Variants in STX8 observed in about 807,000 individuals in gnomAD.
STX8 encodes syntaxin 8.
STX8 carries 23 observed loss-of-function variants against 37.5 expected under a neutral mutation model. The observed-to-expected ratio is 0.61, with a 90% confidence interval of 0.44 to 0.87. STX8 has a LOEUF of 0.87. STX8 is among the 40% of genes least tolerant of loss of function. The pLI, the probability that STX8 is intolerant of heterozygous loss-of-function variation, is 0.00. For missense variants in STX8, 313 were observed against 284.7 expected (o/e 1.10, Z -0.71); for synonymous variants, 115 against 99.1 (o/e 1.16, Z -0.95).
chr17:9,494,128 G>A (rs1246957044), intron 5 of STX8, among the ~76,000 whole-genome samples: 1 of 151,644 alleles, frequency 6.6e-6, no homozygotes, highest in Admixed American at 6.6e-5. Context: ...CCATTCTCCT[G>A]CCTCAGCCTC....
chr17:9,440,413 T>A (rs1329647657), intron 6 of STX8, among the ~76,000 whole-genome samples: 3 of 152,296 alleles, frequency 2.0e-5, no homozygotes, highest in South Asian at 4.1e-4. Context: ...TCATTCTCAT[T>A]GTCACCATCT....
At chr17:9,434,474 G>T (rs1175794596) in intron 6 of STX8, among the ~76,000 whole-genome samples, 2 of 152,212 alleles carry the variant, frequency 1.3e-5, no homozygotes, top group African/African-American at 4.8e-5. Context: ...ACCCAGCTAG[G>T]TATAGCCATA....
chr17:9,538,446 C>G (rs567445314), intron 4 of STX8, among the ~76,000 whole-genome samples: 1 of 152,254 alleles, frequency 6.6e-6, no homozygotes, highest in African/African-American at 2.4e-5. Context: ...ATAAAACATT[C>G]AACGGTTTCA....
At chr17:9,328,633 A>G (rs1050642079) in intron 7 of STX8, among the ~76,000 whole-genome samples, 1 of 152,206 alleles carries the variant, frequency 6.6e-6, no homozygotes, top group Non-Finnish European at 1.5e-5. Flanking sequence ...TTCAGGGTCA[A>G]TGGCCCTCTT....
At chr17:9,328,868 G>A (rs976099138) in intron 7 of STX8, among the ~76,000 whole-genome samples, 4 of 151,876 alleles carry the variant, frequency 2.6e-5, no homozygotes, top group Non-Finnish European at 5.9e-5. Flanking sequence ...TGGCCAACAT[G>A]GTGCAACTCC....
chr17:9,394,427 G>A (rs7210653), intron 6 of STX8, among the ~76,000 whole-genome samples: 1,983 of 151,514 alleles, frequency 0.013, 51 homozygotes, highest in African/African-American at 0.046. Context: ...GCCCAGGCTG[G>A]AGTGCAGTGA....
chr17:9,402,903 T>A (rs1181871095), intron 6 of STX8, among the ~76,000 whole-genome samples: 1 of 152,152 alleles, frequency 6.6e-6, no homozygotes, highest in East Asian at 1.9e-4. Context: ...ACGGAGAATA[T>A]CCAAGGGTGC....
intron 1 of STX8, among the ~76,000 whole-genome samples, chr17:9,571,137 T>A (rs1597751599): frequency 6.6e-6 from 1 of 151,790 alleles, no homozygotes; most frequent in African/African-American, 2.4e-5. Flanking sequence ...ACACAGAGAG[T>A]GGCCCTAAAG....
chr17:9,512,425 G>A (rs2142510298), intron 4 of STX8, among the ~76,000 whole-genome samples: 2 of 150,954 alleles, frequency 1.3e-5, no homozygotes, highest in Non-Finnish European at 2.9e-5. Context: ...GAACAGAATA[G>A]AGAACCCAGA....
At chr17:9,324,765 C>CAAAA (rs534392223) in intron 7 of STX8, among the ~76,000 whole-genome samples, 29 of 45,928 alleles carry the variant, frequency 6.3e-4, no homozygotes, top group African/African-American at 1.9e-3. Context: ...AACTCCATCT[C>CAAAA]AAAAAAAAAA....
intron 7 of STX8, among the ~76,000 whole-genome samples, chr17:9,259,185 C>T (rs1016708772): frequency 2.6e-5 from 4 of 152,186 alleles, no homozygotes; most frequent in African/African-American, 9.7e-5. Context: ...GTTCTACCAT[C>T]TCTGAAACAA....
intron 3 of STX8, chr17:9,556,766 T>TATATATATATATACACATAC (rs1906985208): frequency 2.8e-4 from 9 of 32,314 alleles, no homozygotes; most frequent in Admixed American, 5.3e-4. Context: ...TATATATATA[T>TATATATATATATACACATAC]ATATATATAT....
intron 7 of STX8, among the ~76,000 whole-genome samples, chr17:9,303,102 G>A (rs998309315): frequency 7.9e-5 from 12 of 151,876 alleles, no homozygotes; most frequent in South Asian, 6.2e-4. Context: ...GACCATCCTG[G>A]CCAACATGGT....
At chr17:9,439,346 TTGG>T (rs1361821232) in intron 6 of STX8, among the ~76,000 whole-genome samples, 1 of 152,214 alleles carries the variant, frequency 6.6e-6, no homozygotes, top group African/African-American at 2.4e-5. Flanking sequence ...AGCATTTGTT[TTGG>T]TGAAGACCAA....
At chr17:9,333,616 C>G (rs1409210259) in intron 7 of STX8, among the ~76,000 whole-genome samples, 6 of 152,170 alleles carry the variant, frequency 3.9e-5, no homozygotes, top group African/African-American at 1.2e-4. Context: ...GTCTGGATCT[C>G]CTGACCTTGT....
At chr17:9,431,223 G>T (rs1211381518) in intron 6 of STX8, among the ~76,000 whole-genome samples, 1 of 125,394 alleles carries the variant, frequency 8.0e-6, no homozygotes, top group Non-Finnish European at 1.7e-5. Flanking sequence ...TTTTGTTGTT[G>T]TTGTTTTATT....
chr17:9,339,693 ACT>A (rs987252293), intron 7 of STX8, among the ~76,000 whole-genome samples: 1 of 152,014 alleles, frequency 6.6e-6, no homozygotes, highest in African/African-American at 2.4e-5. Context: ...CCTGCTGTGT[ACT>A]CTGTCTATTG....
chr17:9,328,871 G>A (rs1243316464), intron 7 of STX8, among the ~76,000 whole-genome samples: 2 of 151,898 alleles, frequency 1.3e-5, no homozygotes, highest in Non-Finnish European at 2.9e-5. Flanking sequence ...CCAACATGGT[G>A]CAACTCCATC....
chr17:9,293,687 A>G (rs564262593), intron 7 of STX8, among the ~76,000 whole-genome samples: 37 of 152,254 alleles, frequency 2.4e-4, no homozygotes, highest in African/African-American at 8.7e-4. Flanking sequence ...GAACCGTGAC[A>G]TATATGTTAT....
Sources: gnomAD v4.1 joint callset for allele counts (sites outside exome capture counted in the v4.1 genomes callset) on GRCh38, gnomAD v4.1.1 for gene constraint, MANE v1.5 for transcripts, NCBI Gene and HGNC (gene_info 2026-07-23, HGNC 2026-07-21) for gene names.